The following PGM2L1 variants were observed in gnomAD, a reference collection of about 807,000 sequenced individuals.
PGM2L1 encodes the protein glucose 1,6-bisphosphate synthase.
PGM2L1 carries 35 observed loss-of-function variants against 73.4 expected under a neutral mutation model. The ratio of observed to expected loss-of-function variants is 0.48; its 90% confidence interval spans 0.36 to 0.63. The LOEUF (loss-of-function observed/expected upper bound fraction) is 0.63. PGM2L1 is among the 30% of genes least tolerant of loss of function. The probability of loss-of-function intolerance (pLI) is 0.00; values close to 1 mark genes in which losing one functional copy is unlikely to be tolerated. For synonymous variants in PGM2L1, 225 were observed against 253.8 expected (o/e 0.89, Z 1.08); for missense variants, 570 against 742.0 (o/e 0.77, Z 2.69).
intron 6 of PGM2L1, among the ~76,000 whole-genome samples, chr11:74,349,269 A>G (rs1277791611): frequency 6.6e-6 from 1 of 152,226 alleles, no homozygotes; most frequent in African/African-American, 2.4e-5. Flanking sequence ...AATTTATCAA[A>G]TTTCAGCCTG....
Position 74,336,566 on chromosome 11 carries a change from G to C in PGM2L1, c.*86C>G. On this transcript the variant is annotated 3_prime_UTR_variant, in exon 14 of 14. Transcript: ENST00000298198. Reference sequence around the variant, plus strand: ...TACTCGGCCAGATGAGATAGAGAGAGAATGCTAACACAAGGTTCAATGTAT... The same window carrying C: ...TACTCGGCCAGATGAGATAGAGAGACAATGCTAACACAAGGTTCAATGTAT... 1.3e-6 allele frequency: 1 copy of C among 779,350 alleles called. No individual in the cohort carries two copies. The highest frequency in any genetic ancestry group is 2.0e-6 in the Non-Finnish European group (1 of 509,212). The allele number at this position is 779,350 out of a possible 1,614,324, so 48.3% of individuals were successfully genotyped here.
intron 5 of PGM2L1, among the ~76,000 whole-genome samples, chr11:74,366,803 A>G (rs1431214518): frequency 6.6e-6 from 1 of 152,164 alleles, no homozygotes; most frequent in Non-Finnish European, 1.5e-5. Context: ...ATGCAGACTT[A>G]TAAGCTCCAA....
At chr11:74,385,704 T>G (rs1207562502) in intron 1 of PGM2L1, among the ~76,000 whole-genome samples, 1 of 152,150 alleles carries the variant, frequency 6.6e-6, no homozygotes, top group Admixed American at 6.5e-5. Context: ...TAATGCATAT[T>G]TTGAAATGGC....
intron 10 of PGM2L1, 88 bp downstream of exon 10, chr11:74,343,235 G>A: frequency 7.0e-7 from 1 of 1,431,796 alleles, no homozygotes; most frequent in South Asian, 1.5e-5. Context: ...CTCAAAATAT[G>A]AAACCAGAAC....
intron 6 of PGM2L1, among the ~76,000 whole-genome samples, chr11:74,350,668 G>A (rs974706525): frequency 3.3e-5 from 5 of 152,124 alleles, no homozygotes; most frequent in Non-Finnish European, 5.9e-5. Flanking sequence ...CCAGAGGTCA[G>A]GAGTTCGAGA....
At chr11:74,353,880 G>C in intron 5 of PGM2L1, among the ~76,000 whole-genome samples, 1 of 30,704 alleles carries the variant, frequency 3.3e-5, no homozygotes, top group African/African-American at 2.5e-4. Context: ...GCTGCCGGGC[G>C]GGGGCTGAAA....
intron 6 of PGM2L1, 41 bp downstream of exon 6, chr11:74,351,342 T>C: frequency 6.5e-7 from 1 of 1,529,026 alleles, no homozygotes; most frequent in Admixed American, 2.0e-5. Context: ...TTCTTTAACG[T>C]TATTCTGAAG....
chr11:74,338,706 G>A, intron 12 of PGM2L1, 105 bp from the exon 13 acceptor site: 2 of 1,336,492 alleles, frequency 1.5e-6, no homozygotes, highest in South Asian at 1.8e-5. Context: ...GGTATCTAAA[G>A]TCGTCAAATT....
chr11:74,360,394 C>T (rs946024629), intron 5 of PGM2L1, among the ~76,000 whole-genome samples: 2 of 151,800 alleles, frequency 1.3e-5, no homozygotes, highest in Non-Finnish European at 1.5e-5. Flanking sequence ...GAGGCTGAGG[C>T]TGGAGAATTC....
intron 1 of PGM2L1, among the ~76,000 whole-genome samples, chr11:74,392,846 T>C (rs1046407326): frequency 6.6e-6 from 1 of 152,198 alleles, no homozygotes; most frequent in Admixed American, 6.5e-5. Context: ...GGCCAGCCAA[T>C]AAAACAGTTT....
intron 4 of PGM2L1, among the ~76,000 whole-genome samples, chr11:74,370,334 C>CT (rs1234255268): frequency 6.6e-6 from 1 of 152,162 alleles, no homozygotes; most frequent in Non-Finnish European, 1.5e-5. Flanking sequence ...CAAGGACTGT[C>CT]TGTCATTGCT....
At chr11:74,391,327 AGATGCT>A (rs1337286903) in intron 1 of PGM2L1, among the ~76,000 whole-genome samples, 2 of 151,868 alleles carry the variant, frequency 1.3e-5, no homozygotes, top group African/African-American at 4.8e-5. Flanking sequence ...TTTATGGCAT[AGATGCT>A]GAATTCTTTT....
At chr11:74,354,301 C>T (rs1381417174) in intron 5 of PGM2L1, 1 of 502,244 alleles carries the variant, frequency 2.0e-6, no homozygotes, top group Non-Finnish European at 3.5e-6. Flanking sequence ...CATAAAAATT[C>T]ATGCAACAAA....
intron 5 of PGM2L1, among the ~76,000 whole-genome samples, chr11:74,360,052 C>T (rs1862531329): frequency 6.6e-6 from 1 of 151,884 alleles, no homozygotes; most frequent in Admixed American, 6.6e-5. Context: ...ACAGCCTGGG[C>T]AACATAGCAA....
chr11:74,360,640 T>TG (rs1565439942), intron 5 of PGM2L1, among the ~76,000 whole-genome samples: 1 of 151,926 alleles, frequency 6.6e-6, no homozygotes, highest in Non-Finnish European at 1.5e-5. Flanking sequence ...CAAGGGGTCA[T>TG]GGAATTCCCT....
intron 10 of PGM2L1, 95 bp downstream of exon 10, chr11:74,343,228 A>C: frequency 7.0e-7 from 1 of 1,430,802 alleles, no homozygotes; most frequent in Non-Finnish European, 9.2e-7. Flanking sequence ...TTTACAACTC[A>C]AAATATGAAA....
At chr11:74,341,716 A>AAAG (rs1490306155) in intron 12 of PGM2L1, among the ~76,000 whole-genome samples, 1 of 145,310 alleles carries the variant, frequency 6.9e-6, no homozygotes, top group East Asian at 2.1e-4. Context: ...AAAAAAAAAA[A>AAAG]GGAAAGCAAT....
intron 5 of PGM2L1, among the ~76,000 whole-genome samples, chr11:74,361,514 G>C (rs1351200157): frequency 6.6e-6 from 1 of 152,220 alleles, no homozygotes; most frequent in African/African-American, 2.4e-5. Flanking sequence ...AAGGAACACG[G>C]CTCCTTGCCA....
chr11:74,338,304 G>T (rs1226606096), intron 13 of PGM2L1, among the ~76,000 whole-genome samples, 164 bp downstream of exon 13: 1 of 152,160 alleles, frequency 6.6e-6, no homozygotes, highest in Non-Finnish European at 1.5e-5. Flanking sequence ...ACGGGCTTTT[G>T]GGGGTGATGA....
Sources: gnomAD v4.1 joint callset for allele counts (sites outside exome capture counted in the v4.1 genomes callset) on GRCh38, gnomAD v4.1.1 for gene constraint, MANE v1.5 for transcripts, NCBI Gene and HGNC (gene_info 2026-07-23, HGNC 2026-07-21) for gene names.